The following PCDH9 variants were observed in gnomAD, a reference collection of about 807,000 sequenced individuals.
The protein encoded by PCDH9 is protocadherin 9, also known as protocadherin-9.
A neutral mutation model predicts 70.6 loss-of-function variants in PCDH9; 24 were observed. The ratio of observed to expected loss-of-function variants is 0.34; its 90% CI spans 0.25 to 0.48. PCDH9 has a LOEUF of 0.48. PCDH9 is among the 20% of genes least tolerant of loss of function. The pLI is 0.99. For missense variants in PCDH9, 1,281 were observed against 1,503.6 expected, an observed-to-expected ratio of 0.85 and a Z score of 2.45; for synonymous variants, 562 against 558.5, an observed-to-expected ratio of 1.01 and a Z score of -0.09.
intron 4 of PCDH9, among the ~76,000 whole-genome samples, chr13:66,588,743 A>G (rs1448916606): frequency 6.6e-6 from 1 of 151,892 alleles, no homozygotes; most frequent in Non-Finnish European, 1.5e-5. Context: ...AAGATAATTC[A>G]TGAAATGCAA....
intron 3 of PCDH9, among the ~76,000 whole-genome samples, chr13:66,814,773 G>T (rs572783584): frequency 6.6e-6 from 1 of 152,166 alleles, no homozygotes; most frequent in East Asian, 1.9e-4. Context: ...ATATATTAAA[G>T]ACTTAAATGT....
intron 3 of PCDH9, among the ~76,000 whole-genome samples, chr13:66,751,212 A>C (rs187947678): frequency 1.2e-3 from 175 of 152,068 alleles, no homozygotes; most frequent in African/African-American, 4.0e-3. Flanking sequence ...CAATTGATCA[A>C]ATTTTTTTTT....
At position 66,723,556 on chromosome 13, in the gene PCDH9, T is replaced by C. The variant is rs896088327; in HGVS notation, c.3139-92145A>G. Reference sequence around the variant, plus strand: ...TAAAGACAAGTAGCTAAGCAAAGCATTGACTGTGGTTTAAGGCAAGGATTT... The same window carrying C: ...TAAAGACAAGTAGCTAAGCAAAGCACTGACTGTGGTTTAAGGCAAGGATTT... On this transcript the variant is annotated intron_variant, in intron 3 of 4. Transcript: ENST00000377865. Among the ~76,000 whole-genome samples the C allele has an allele frequency of 3.9e-5, 6 of 152,272 alleles. No homozygotes were observed. The East Asian group carries it at 7.7e-4, about 20-fold the overall frequency.
chr13:66,999,101 A>C (rs1203592731), intron 2 of PCDH9, among the ~76,000 whole-genome samples: 1 of 152,194 alleles, frequency 6.6e-6, no homozygotes, highest in Non-Finnish European at 1.5e-5. Context: ...CTTCCCAAGC[A>C]AATTGGGTTC....
intron 2 of PCDH9, among the ~76,000 whole-genome samples, chr13:67,110,196 G>GA (rs67140187): frequency 0.12 from 18,242 of 150,690 alleles, 1,152 homozygotes; most frequent in African/African-American, 0.15. Flanking sequence ...TTAATATACA[G>GA]AAAATTTAAA....
At chr13:66,403,603 G>T (rs1413044976) in intron 4 of PCDH9, among the ~76,000 whole-genome samples, 2 of 151,964 alleles carry the variant, frequency 1.3e-5, no homozygotes, top group African/African-American at 4.8e-5. Flanking sequence ...AGACTCTAGA[G>T]AGCTTTTGTA....
At chr13:66,945,608 T>G (rs1316116069) in intron 2 of PCDH9, among the ~76,000 whole-genome samples, 1 of 152,182 alleles carries the variant, frequency 6.6e-6, no homozygotes, top group Non-Finnish European at 1.5e-5. Flanking sequence ...TGTAGTCCCT[T>G]GAAACATATT....
At chr13:66,536,376 A>G (rs1032880571) in intron 4 of PCDH9, among the ~76,000 whole-genome samples, 1 of 152,096 alleles carries the variant, frequency 6.6e-6, no homozygotes, top group South Asian at 2.1e-4. Flanking sequence ...TATTGGCATA[A>G]TCATTTGGTA....
chr13:66,834,393 C>T (rs144028718), intron 3 of PCDH9, among the ~76,000 whole-genome samples: 2,639 of 152,130 alleles, frequency 0.017, 73 homozygotes, highest in African/African-American at 0.059. Context: ...CCACCCGCCT[C>T]GGCCTCCCAG....
chr13:66,811,727 T>C (rs2080509974), intron 3 of PCDH9, among the ~76,000 whole-genome samples: 2 of 142,860 alleles, frequency 1.4e-5, no homozygotes, highest in Non-Finnish European at 3.0e-5. Flanking sequence ...TCTTTCTTTC[T>C]CTTTCTCTCC....
chr13:67,070,460 T>G (rs1242728849), intron 2 of PCDH9, among the ~76,000 whole-genome samples: 2 of 152,196 alleles, frequency 1.3e-5, no homozygotes, highest in Non-Finnish European at 2.9e-5. Context: ...ATTAACACCT[T>G]ACAGTTAGCA....
chr13:67,211,239 T>C (rs1018210127), intron 2 of PCDH9: 3 of 151,978 alleles, frequency 2.0e-5, no homozygotes, highest in African/African-American at 7.2e-5. Context: ...CAGGTTTCAA[T>C]TTCGTAGTTC....
intron 2 of PCDH9, among the ~76,000 whole-genome samples, chr13:67,134,920 A>G (rs912540685): frequency 1.3e-5 from 2 of 152,126 alleles, no homozygotes; most frequent in African/African-American, 2.4e-5. Context: ...TTTTTGTACC[A>G]TAGAAACTGT....
intron 3 of PCDH9, among the ~76,000 whole-genome samples, chr13:66,659,710 G>T (rs1204975904): frequency 2.0e-5 from 3 of 151,542 alleles, no homozygotes; most frequent in Non-Finnish European, 4.4e-5. Flanking sequence ...TGCCTGCTCA[G>T]CCTCCTTCCC....
intron 3 of PCDH9, chr13:66,876,914 C>T (rs2081822384): frequency 6.6e-6 from 1 of 152,022 alleles, no homozygotes; most frequent in South Asian, 2.1e-4. Context: ...ATCCCTCTCA[C>T]ATACGGTAAG....
intron 4 of PCDH9, among the ~76,000 whole-genome samples, chr13:66,578,332 G>C (rs1385971298): frequency 1.3e-5 from 2 of 152,018 alleles, no homozygotes; most frequent in South Asian, 2.1e-4. Flanking sequence ...CTTTTGAGTT[G>C]AGTATTATTC....
intron 2 of PCDH9, among the ~76,000 whole-genome samples, chr13:67,168,557 T>C (rs577686000): frequency 1.3e-5 from 2 of 149,686 alleles, no homozygotes; most frequent in South Asian, 4.2e-4. Context: ...TGAGACCCCA[T>C]TTCTACAAAA....
intron 3 of PCDH9, among the ~76,000 whole-genome samples, chr13:66,725,879 C>T (rs1490344713): frequency 6.6e-6 from 1 of 152,126 alleles, no homozygotes; most frequent in Non-Finnish European, 1.5e-5. Context: ...AGTATCATTT[C>T]CATTATTATC....
At chr13:66,480,347 G>C (rs944256195) in intron 4 of PCDH9, among the ~76,000 whole-genome samples, 1 of 152,172 alleles carries the variant, frequency 6.6e-6, no homozygotes, top group Admixed American at 6.5e-5. Context: ...TCTTGAGATG[G>C]AATCTACTCC....
Sources: allele counts gnomAD v4.1 joint callset (sites outside exome capture counted in the v4.1 genomes callset), GRCh38; gene constraint gnomAD v4.1.1; transcripts MANE v1.5; gene names NCBI Gene and HGNC (gene_info 2026-07-23, HGNC 2026-07-21).